HS3ST4: variants seen among roughly 807,000 people sequenced by gnomAD.
HS3ST4 encodes heparan sulfate-glucosamine 3-sulfotransferase 4.
Under a neutral mutation model 29.2 loss-of-function variants are expected in HS3ST4, and 17 were observed. That is an observed-to-expected ratio of 0.58 (90% CI 0.40 to 0.87). HS3ST4 has a LOEUF of 0.87. Among genes scored for constraint, HS3ST4 ranks in the 40% least tolerant of loss-of-function variants. The pLI is 0.00. For missense variants in HS3ST4, 627 were observed against 634.5 expected, an observed-to-expected ratio of 0.99 and a Z score of 0.13; for synonymous variants, 314 against 285.7, an observed-to-expected ratio of 1.10 and a Z score of -1.00.
At chr16:26,007,857 C>T (rs1386618512) in intron 1 of HS3ST4, among the ~76,000 whole-genome samples, 1 of 152,054 alleles carries the variant, frequency 6.6e-6, no homozygotes, top group Non-Finnish European at 1.5e-5. Flanking sequence ...ACCACCTATC[C>T]CCCTACAATC....
rs914008581 is a variant in HS3ST4, at chr16:26,137,309, T to C, written c.*1061T>C. The C allele has an allele frequency of 6.6e-6, 1 of 152,214 alleles. No homozygotes were observed. Among genetic ancestry groups the C allele is most frequent in the African/African-American group, 2.4e-5 (1 of 41,454 alleles). The allele number at this position is 152,214 out of a possible 1,614,324, so 9.4% of individuals were successfully genotyped here. A position where few individuals can be genotyped will look rare whatever the true frequency, so the allele number is the denominator to read the frequency against. ...GTAATGGAGAAAGGAGCAGTCAGCA[T>C]TCTTCCAATTTGCCCCACCACCACC... On this transcript the variant is annotated 3_prime_UTR_variant, in exon 2 of 2. Coordinates refer to ENST00000331351, the MANE Select transcript of HS3ST4 (RefSeq NM_006040.3).
chr16:25,969,581 A>G (rs550584049), intron 1 of HS3ST4, among the ~76,000 whole-genome samples: 1 of 152,272 alleles, frequency 6.6e-6, no homozygotes, highest in South Asian at 2.1e-4. Context: ...TTTGTCTGAG[A>G]TATGGCCTGG....
chr16:25,930,829 G>A (rs963291300), intron 1 of HS3ST4, among the ~76,000 whole-genome samples: 1 of 152,070 alleles, frequency 6.6e-6, no homozygotes, highest in African/African-American at 2.4e-5. Context: ...CCGGGTGCTG[G>A]CCCTCAGAGG....
intron 1 of HS3ST4, among the ~76,000 whole-genome samples, chr16:26,093,029 G>T (rs1018188376): frequency 8.5e-5 from 13 of 152,220 alleles, no homozygotes; most frequent in African/African-American, 3.1e-4. Context: ...CGGCAGCCTG[G>T]CCGGGAGAGG....
Position 26,084,916 on chromosome 16 carries a change from G to A in HS3ST4, c.735-50696G>A, listed in dbSNP as rs777147083. Among the ~76,000 whole-genome samples the A allele has an allele frequency of 5.3e-5, 8 of 152,104 alleles. 1 individual carries two copies. Among genetic ancestry groups the A allele is most frequent in the Admixed American group, 1.3e-4 (2 of 15,272 alleles). On this transcript the variant is annotated intron_variant, in intron 1 of 1. Transcript: ENST00000331351. The stretch of plus-strand genomic sequence containing the variant: ...TGAGCCATCACACCAGGCCCCTAAG[G>A]GTTGGAATTTGTTGTAGTTTCCTTT...
chr16:25,914,431 A>G (rs1968272061), intron 1 of HS3ST4, among the ~76,000 whole-genome samples: 1 of 150,714 alleles, frequency 6.6e-6, no homozygotes, highest in Non-Finnish European at 1.5e-5. Flanking sequence ...AGTTATGTGT[A>G]GGGTGTGTAC....
intron 1 of HS3ST4, among the ~76,000 whole-genome samples, chr16:25,891,721 G>A (rs948934192): frequency 2.6e-5 from 4 of 152,194 alleles, no homozygotes; most frequent in African/African-American, 7.2e-5. Flanking sequence ...CTGTGGGATG[G>A]GAGATTTGTT....
chr16:25,707,503 C>T (rs1334748505), intron 1 of HS3ST4, among the ~76,000 whole-genome samples: 1 of 152,138 alleles, frequency 6.6e-6, no homozygotes, highest in Admixed American at 6.5e-5. Flanking sequence ...AGCATATCCT[C>T]TGTAGATGAG....
intron 1 of HS3ST4, among the ~76,000 whole-genome samples, chr16:25,839,892 A>C (rs1282382542): frequency 6.6e-6 from 1 of 152,140 alleles, no homozygotes. Context: ...AGGCAGGTCC[A>C]ATCCCTTTGC....
intron 1 of HS3ST4, among the ~76,000 whole-genome samples, chr16:26,131,091 A>G (rs1163520330): frequency 1.3e-5 from 2 of 152,062 alleles, no homozygotes; most frequent in African/African-American, 4.8e-5. Context: ...CATCCCACCC[A>G]TCATTAAGGA....
Position 26,136,192 on chromosome 16 carries a change from T to C in HS3ST4, c.1315T>C (p.Phe439Leu). The change falls in exon 2 of 2, where the codon TTT (phenylalanine) becomes CTT (leucine). Residue 439 changes from phenylalanine to leucine, a missense_variant. Coordinates refer to ENST00000331351, the MANE Select transcript of HS3ST4 (RefSeq NM_006040.3). ...ATTCTACAAACCCTTCAACTTGATG[T>C]TTTACCAAATGACTGGTCAAGATTT... is the stretch of plus-strand genomic sequence containing the variant. ...RKFYKPFNLM[F>L]YQMTGQDFQW... The C allele has an allele frequency of 6.2e-7, 1 of 1,613,358 alleles. No homozygotes were observed. Among genetic ancestry groups the C allele is most frequent in the Non-Finnish European group, 8.5e-7 (1 of 1,179,696 alleles).
chr16:25,810,181 G>A (rs1371522366), intron 1 of HS3ST4, among the ~76,000 whole-genome samples: 1 of 151,834 alleles, frequency 6.6e-6, no homozygotes, highest in Non-Finnish European at 1.5e-5. Context: ...ATTTTATTTA[G>A]TCCTCTATAT....
At chr16:25,896,771 G>A (rs1187660358) in intron 1 of HS3ST4, among the ~76,000 whole-genome samples, 2 of 152,168 alleles carry the variant, frequency 1.3e-5, no homozygotes, top group African/African-American at 2.4e-5. Flanking sequence ...CAGTGGATTG[G>A]ATAAAGAAAA....
chr16:25,949,066 G>A (rs916764501), intron 1 of HS3ST4, among the ~76,000 whole-genome samples: 2 of 150,708 alleles, frequency 1.3e-5, no homozygotes, highest in African/African-American at 4.9e-5. Context: ...TTTTTTTAAA[G>A]TATTTTTAGT....
intron 1 of HS3ST4, among the ~76,000 whole-genome samples, chr16:25,937,544 G>A (rs1407306985): frequency 6.6e-6 from 1 of 152,156 alleles, no homozygotes; most frequent in African/African-American, 2.4e-5. Flanking sequence ...GTGTAGGAAA[G>A]CCTGCGAGTT....
chr16:25,703,960 T>C (rs372497497), intron 1 of HS3ST4, among the ~76,000 whole-genome samples: 13 of 152,222 alleles, frequency 8.5e-5, no homozygotes, highest in African/African-American at 3.1e-4. Context: ...TCCAAAGTTA[T>C]CCTCATTACT....
intron 1 of HS3ST4, among the ~76,000 whole-genome samples, chr16:25,925,354 C>T (rs1968391304): frequency 6.6e-6 from 1 of 152,042 alleles, no homozygotes; most frequent in South Asian, 2.1e-4. Context: ...GAAACAGTGG[C>T]TTGGCCAGGA....
At chr16:25,837,493 C>A (rs764834697) in intron 1 of HS3ST4, among the ~76,000 whole-genome samples, 1 of 152,144 alleles carries the variant, frequency 6.6e-6, no homozygotes, top group Non-Finnish European at 1.5e-5. Context: ...AGAATAAGAA[C>A]GCTTTCTCAT....
intron 1 of HS3ST4, among the ~76,000 whole-genome samples, chr16:26,100,030 C>T (rs902133477): frequency 8.5e-5 from 13 of 152,122 alleles, no homozygotes; most frequent in African/African-American, 2.9e-4. Flanking sequence ...ATCTAATTCT[C>T]ACAACAGTGG....
Sources: allele counts gnomAD v4.1 joint callset (sites outside exome capture counted in the v4.1 genomes callset), GRCh38; gene constraint gnomAD v4.1.1; transcripts MANE v1.5; gene names NCBI Gene and HGNC (gene_info 2026-07-23, HGNC 2026-07-21).